SPATA21: variants seen among roughly 807,000 people sequenced by gnomAD.
SPATA21 encodes spermatogenesis associated 21.
Under a neutral mutation model 54.8 loss-of-function variants are expected in SPATA21, and 47 were observed. That is an observed-to-expected ratio of 0.86 (90% CI 0.68 to 1.09). The LOEUF (loss-of-function observed/expected upper bound fraction) is 1.09. SPATA21 is among the 50% of genes least tolerant of loss of function. The pLI is 0.00. For synonymous variants in SPATA21, 245 were observed against 235.3 expected (o/e 1.04, Z -0.38); for missense variants, 599 against 596.4 (o/e 1.00, Z -0.05).
Position 16,409,013 on chromosome 1 carries a change from C to T in SPATA21, c.673+105G>A, listed in dbSNP as rs1443490075. The T allele has an allele frequency of 1.1e-5, 13 of 1,213,030 alleles. No individual in the cohort carries two copies. In the Admixed American group the frequency reaches 1.2e-4, roughly 11 times the overall value. The allele number at this position is 1,213,030 out of a possible 1,614,324, so 75.1% of individuals were successfully genotyped here. On this transcript the variant is annotated intron_variant, in intron 7 of 12. Transcript: ENST00000335496. The surrounding 1 kb of genome is among the most constrained non-coding windows in gnomAD (Gnocchi z 4.1). ...CTGCTGGGTCTGCTACACATGGCGGCAGCCATGTGATCTGGAAAGCACCCC... is the reference window on the plus strand; with the variant it reads ...CTGCTGGGTCTGCTACACATGGCGGTAGCCATGTGATCTGGAAAGCACCCC...
intron 1 of SPATA21, among the ~76,000 whole-genome samples, chr1:16,434,846 C>T (rs76559379): frequency 0.059 from 8,905 of 150,034 alleles, 481 homozygotes; most frequent in East Asian, 0.23. Context: ...TTGTTATTAT[C>T]TGTCTTATTT....
chr1:16,423,781 T>A (rs542011458), intron 3 of SPATA21, among the ~76,000 whole-genome samples: 2 of 152,002 alleles, frequency 1.3e-5, no homozygotes, highest in African/African-American at 4.8e-5. Flanking sequence ...TGACCTCAGG[T>A]GATTCACCCG....
At chr1:16,418,110 G>A (rs2086065322) in intron 5 of SPATA21, among the ~76,000 whole-genome samples, 2 of 152,252 alleles carry the variant, frequency 1.3e-5, no homozygotes, top group African/African-American at 4.8e-5. Context: ...CAAGCACTGG[G>A]CCTGGTATGC....
chr1:16,411,026 C>T (rs1425409768), intron 5 of SPATA21: 1 of 169,570 alleles, frequency 5.9e-6, no homozygotes, highest in African/African-American at 2.4e-5. Context: ...CCTGTTCCCT[C>T]CCCTCAGAGG....
rs776372195 is a variant in SPATA21 at position 16,421,960 on chromosome 1, CT to C, written c.45del (p.Val16SerfsTer35). The C allele has an allele frequency of 2.5e-6, 4 of 1,614,090 alleles. No individual in the cohort carries two copies. In the African/African-American group the frequency reaches 5.3e-5, roughly 22 times the overall value. ...NTQMYTEEEKTVNPFLPSTPG... is the reference protein window; with the variant it reads ...NTQMYTEEEKXVNPFLPSTPG... ...GGCGTGGATGGCAGGAAGGGGTTGACTGTCTTTTCCTCTGGAGCCACGACGG... is the reference window on the plus strand; with the variant it reads ...GGCGTGGATGGCAGGAAGGGGTTGACGTCTTTTCCTCTGGAGCCACGACGG... On this transcript the variant is annotated frameshift_variant, in exon 4 of 13. Coordinates refer to ENST00000335496, the MANE Select transcript of SPATA21 (RefSeq NM_198546.1). LOFTEE classifies it high-confidence loss of function. The surrounding 1 kb of genome is among the most constrained non-coding windows in gnomAD (Gnocchi z 5.2).
chr1:16,407,738 G>A (rs573742577), intron 7 of SPATA21, among the ~76,000 whole-genome samples: 2 of 151,806 alleles, frequency 1.3e-5, no homozygotes, highest in Admixed American at 1.3e-4. Context: ...GATTACAGGT[G>A]TGAACCACTG....
rs780461768 is a variant in SPATA21 at position 16,421,513 on chromosome 1, G to A, written c.140C>T (p.Pro47Leu). 49 of 1,613,276 alleles carry A rather than the reference G, an allele frequency of 3.0e-5. No homozygotes were observed. The East Asian group carries it at 9.4e-4, about 31-fold the overall frequency. ...TCCCCCTATGGCCCTACTTACTGGT[G>A]GAGGAAGAGGCCCCGGTGCTGGGTG... ...ETHPAPGPLP[P>L]PEVRDIGERR... Residue 47 changes from proline (P) to leucine (L), a missense_variant, in exon 5 of 13, where the codon CCA (proline) becomes CTA (leucine). By Grantham distance (98) the Pro-to-Leu change is moderately conservative. Transcript: ENST00000335496. The surrounding 1 kb of genome is among the most constrained non-coding windows in gnomAD (Gnocchi z 5.2).
intron 3 of SPATA21, chr1:16,427,885 T>C (rs948192950): frequency 2.6e-6 from 4 of 1,549,280 alleles, no homozygotes; most frequent in Middle Eastern, 1.7e-4. Context: ...TGGAGGCCCC[T>C]GCTCCTGGAT....
intron 10 of SPATA21, 64 bp from the exon 11 acceptor site, chr1:16,400,956 C>T: frequency 6.5e-7 from 1 of 1,548,476 alleles, no homozygotes; most frequent in Middle Eastern, 2.1e-4. Flanking sequence ...TCCTCCTCAG[C>T]CCCTATCTCT....
Position 16,409,267 on chromosome 1 carries a change from G to T in SPATA21, c.588-64C>A. 1 of 1,583,658 alleles carries T rather than the reference G, an allele frequency of 6.3e-7. No individual in the cohort carries two copies. On this transcript the variant is annotated intron_variant, in intron 6 of 12. Transcript: ENST00000335496. The surrounding 1 kb of genome is among the most constrained non-coding windows in gnomAD (Gnocchi z 4.1). ...CCGCCCACCCTGCTGATAGCTAGGG[G>T]AGGGGTTGGGGGAGCCTGCAGGAGG... is the stretch of plus-strand genomic sequence containing the variant.
chr1:16,407,262 G>A (rs190035365), intron 7 of SPATA21, among the ~76,000 whole-genome samples: 7 of 152,252 alleles, frequency 4.6e-5, no homozygotes, highest in South Asian at 2.1e-4. Flanking sequence ...AGGTGTGATC[G>A]CTCAGAATGC....
intron 1 of SPATA21, among the ~76,000 whole-genome samples, chr1:16,436,787 CA>C (rs111423769): frequency 5.0e-4 from 72 of 145,328 alleles, no homozygotes; most frequent in Middle Eastern, 3.6e-3. Context: ...CTAATGTAAA[CA>C]AAAAAAAAAC....
intron 10 of SPATA21, among the ~76,000 whole-genome samples, chr1:16,402,796 C>T (rs899158458): frequency 9.2e-5 from 14 of 152,182 alleles, no homozygotes; most frequent in African/African-American, 2.9e-4. Context: ...CATGGTGGCA[C>T]GCGCCTGTAA....
At position 16,409,630 on chromosome 1, in the gene SPATA21, G is replaced by A. The variant is rs750144904; in HGVS notation, c.558C>T (p.Ser186=). The A allele has an allele frequency of 2.5e-6, 4 of 1,612,712 alleles. No individual in the cohort carries two copies. Among genetic ancestry groups the A allele is most frequent in the Admixed American group, 1.7e-5 (1 of 60,006 alleles). ...WRRMELLHQS[S]ERTLSYAKAR... ...CCTTGGCGTAGCTCAGGGTTCTCTC[G>A]CTGCTCTGGTGCAAGAGTTCCATCC... Residue 186 remains serine (S), a synonymous_variant, in exon 6 of 13, where the codon AGC becomes AGT. Coordinates refer to ENST00000335496, the MANE Select transcript of SPATA21 (RefSeq NM_198546.1). The surrounding 1 kb of genome is among the most constrained non-coding windows in gnomAD (Gnocchi z 4.1).
rs1273734935 is a variant in SPATA21, at chr1:16,402,291, C to A, written c.1002-1399G>T. Among the ~76,000 whole-genome samples the A allele has an allele frequency of 6.5e-5, 6 of 91,960 alleles. No individual in the cohort carries two copies. The Admixed American group carries it at 9.1e-4, about 14-fold the overall frequency. 60.3% of individuals were successfully genotyped at this position (91,960 alleles called of 152,430 possible). A position where few individuals can be genotyped will look rare whatever the true frequency, so the allele number is the denominator to read the frequency against. On this transcript the variant is annotated intron_variant, in intron 10 of 12. Transcript: ENST00000335496. ...TTTTTTTTTTTTTGAGATGGAGTTT[C>A]GCTCTTGTTGCCCAGGCTGGAGTGC... is the stretch of plus-strand genomic sequence containing the variant.
In SPATA21 at chr1:16,421,493, CT is replaced by C. The variant is rs1325711119; in HGVS notation, c.144+15del. On this transcript the variant is annotated intron_variant, in intron 5 of 12. Coordinates refer to ENST00000335496, the MANE Select transcript of SPATA21 (RefSeq NM_198546.1). The surrounding 1 kb of genome is among the most constrained non-coding windows in gnomAD (Gnocchi z 5.2). ...CCTACACAGCTCGTCCCCGTTCCCC[CT>C]ATGGCCCTACTTACTGGTGGAGGAA... The C allele has an allele frequency of 1.9e-6, 3 of 1,612,370 alleles. No individual in the cohort carries two copies. The highest frequency in any genetic ancestry group is 1.3e-5 in the African/African-American group (1 of 74,876).
intron 5 of SPATA21, among the ~76,000 whole-genome samples, chr1:16,420,465 C>T (rs755828232): frequency 6.6e-6 from 1 of 151,262 alleles, no homozygotes. Flanking sequence ...TGCAGTGAGC[C>T]GTGATCACAC....
chr1:16,414,692 C>T (rs533968533), intron 5 of SPATA21, among the ~76,000 whole-genome samples: 11 of 151,728 alleles, frequency 7.2e-5, no homozygotes, highest in East Asian at 5.9e-4. Context: ...GTTGGGAGTT[C>T]GAGACCAGCC....
At chr1:16,400,572 T>C in intron 11 of SPATA21, 148 bp downstream of exon 11, 1 of 1,465,850 alleles carries the variant, frequency 6.8e-7, no homozygotes, top group Non-Finnish European at 9.0e-7. Context: ...TCAGCCTGTT[T>C]TCTGATGTAC....
Sources: gnomAD v4.1 joint callset for allele counts (sites outside exome capture counted in the v4.1 genomes callset) on GRCh38, gnomAD v4.1.1 for gene constraint, Gnocchi (gnomAD v3.1) non-coding constraint, MANE v1.5 for transcripts, NCBI Gene and HGNC (gene_info 2026-07-23, HGNC 2026-07-21) for gene names.